TAOK3: variants seen among roughly 807,000 people sequenced by gnomAD.
TAOK3 encodes TAO kinase 3, also known as serine/threonine-protein kinase TAO3.
In TAOK3, 40 loss-of-function variants were observed where a neutral mutation model predicts 120.4. That is an observed-to-expected ratio of 0.33 (90% CI 0.26 to 0.43). The LOEUF is 0.43. Among genes scored for constraint, TAOK3 ranks in the 20% least tolerant of loss-of-function variants. The probability of loss-of-function intolerance (pLI) is 1.00; values close to 1 mark genes in which losing one functional copy is unlikely to be tolerated. For synonymous variants in TAOK3, 355 were observed against 387.5 expected, an observed-to-expected ratio of 0.92 and a Z score of 0.99; for missense variants, 821 against 1,112.1, an observed-to-expected ratio of 0.74 and a Z score of 3.72.
intron 1 of TAOK3, among the ~76,000 whole-genome samples, chr12:118,305,398 G>T (rs1487293792): frequency 6.6e-6 from 1 of 152,040 alleles, no homozygotes; most frequent in Admixed American, 6.5e-5. Context: ...CCTTTAACCT[G>T]GGAGGCGGAG....
At chr12:118,284,931 G>A (rs777539643) in intron 1 of TAOK3, among the ~76,000 whole-genome samples, 10 of 151,618 alleles carry the variant, frequency 6.6e-5, no homozygotes, top group Middle Eastern at 6.8e-3. Context: ...ATTGAGATGA[G>A]TAGTCAAAAG....
intron 13 of TAOK3, among the ~76,000 whole-genome samples, chr12:118,197,900 G>T (rs2037813701): frequency 6.6e-6 from 1 of 151,924 alleles, no homozygotes; most frequent in African/African-American, 2.4e-5. Context: ...TGTTAGCCGG[G>T]ATGGTCTCGA....
intron 1 of TAOK3, among the ~76,000 whole-genome samples, chr12:118,270,325 T>C (rs1403853005): frequency 6.6e-6 from 1 of 152,222 alleles, no homozygotes; most frequent in Non-Finnish European, 1.5e-5. Context: ...GCCTCTATCT[T>C]TTCTGGAATT....
At chr12:118,216,318 T>G (rs2038899228) in intron 9 of TAOK3, among the ~76,000 whole-genome samples, 1 of 152,108 alleles carries the variant, frequency 6.6e-6, no homozygotes, top group African/African-American at 2.4e-5. Flanking sequence ...GAGGATTTAC[T>G]CCTCCCCAGC....
At position 118,334,286 on chromosome 12, in the gene TAOK3, T is replaced by C. The variant is rs2044273258; in HGVS notation, c.-194+38362A>G. On this transcript the variant is annotated intron_variant, in intron 1 of 20. Coordinates refer to ENST00000392533, the MANE Select transcript of TAOK3 (RefSeq NM_016281.4). ...TATATATGTAGTATACAATGAAATA[T>C]TATCCAACTTTAAAAAAGGAAATCT... 2.6e-5 allele frequency among the ~76,000 whole-genome samples: 4 copies of C among 152,292 alleles called. No individual in the cohort carries two copies. The South Asian group carries it at 8.3e-4, about 32-fold the overall frequency.
At chr12:118,162,310 G>A (rs1278063705) in intron 17 of TAOK3, among the ~76,000 whole-genome samples, 1 of 152,174 alleles carries the variant, frequency 6.6e-6, no homozygotes, top group African/African-American at 2.4e-5. Context: ...TTACCTCACA[G>A]AGCTGCTGTG....
At chr12:118,312,027 T>C (rs892757808) in intron 1 of TAOK3, among the ~76,000 whole-genome samples, 3 of 152,132 alleles carry the variant, frequency 2.0e-5, no homozygotes, top group East Asian at 1.9e-4. Context: ...TTGAGGAAAG[T>C]AGCAAAACAA....
At chr12:118,363,036 A>AG (rs2045647189) in intron 1 of TAOK3, among the ~76,000 whole-genome samples, 1 of 150,588 alleles carries the variant, frequency 6.6e-6, no homozygotes, top group Non-Finnish European at 1.5e-5. Context: ...AAAAAAAAAA[A>AG]AAAAAAAAGA....
intron 1 of TAOK3, among the ~76,000 whole-genome samples, chr12:118,362,726 G>C (rs1272788508): frequency 6.6e-6 from 1 of 152,078 alleles, no homozygotes. Flanking sequence ...GCTAGAGAAA[G>C]GAAAACAGGC....
chr12:118,201,122 T>G, intron 12 of TAOK3, 174 bp downstream of exon 12: 1 of 575,316 alleles, frequency 1.7e-6, no homozygotes, highest in Non-Finnish European at 2.9e-6. Context: ...ACTTTTCATA[T>G]TTTGCCTTAT....
chr12:118,298,629 T>C (rs1227933374), intron 1 of TAOK3, among the ~76,000 whole-genome samples: 4 of 152,088 alleles, frequency 2.6e-5, no homozygotes, highest in African/African-American at 9.7e-5. Context: ...TGATATGTTA[T>C]GGGGGAAAAA....
chr12:118,325,039 C>T (rs960236819), intron 1 of TAOK3, among the ~76,000 whole-genome samples: 23 of 152,252 alleles, frequency 1.5e-4, no homozygotes, highest in African/African-American at 1.4e-4. Flanking sequence ...AGCCACCGCG[C>T]CCGGCCCTAG....
chr12:118,367,758 C>T (rs908934166), intron 1 of TAOK3, among the ~76,000 whole-genome samples: 1 of 151,614 alleles, frequency 6.6e-6, no homozygotes, highest in Admixed American at 6.6e-5. Flanking sequence ...CTCCCTCCCT[C>T]TCTCCCTTCT....
chr12:118,282,946 G>A (rs532478869), intron 1 of TAOK3, among the ~76,000 whole-genome samples: 5 of 152,284 alleles, frequency 3.3e-5, no homozygotes, highest in South Asian at 2.1e-4. Flanking sequence ...TAGTGTTCAA[G>A]CAATAGGCAA....
intron 11 of TAOK3, among the ~76,000 whole-genome samples, chr12:118,206,654 T>C (rs766052282): frequency 6.6e-6 from 1 of 152,062 alleles, no homozygotes; most frequent in Non-Finnish European, 1.5e-5. Flanking sequence ...TGGAGTGCAG[T>C]GGCGCCATCT....
intron 9 of TAOK3, among the ~76,000 whole-genome samples, chr12:118,220,987 G>T (rs1185686815): frequency 6.6e-6 from 1 of 152,198 alleles, no homozygotes; most frequent in African/African-American, 2.4e-5. Flanking sequence ...CAGAGCAAGG[G>T]CTGGCAAACT....
At chr12:118,286,130 T>C (rs1192477413) in intron 1 of TAOK3, among the ~76,000 whole-genome samples, 3 of 152,192 alleles carry the variant, frequency 2.0e-5, no homozygotes, top group African/African-American at 7.2e-5. Flanking sequence ...GCTTAGTGAT[T>C]TGGGGGCTCC....
intron 1 of TAOK3, among the ~76,000 whole-genome samples, chr12:118,284,037 G>A (rs766937169): frequency 6.6e-5 from 10 of 151,794 alleles, no homozygotes; most frequent in African/African-American, 2.2e-4. Context: ...CATACAGGCC[G>A]GACAAAGAAT....
At chr12:118,268,494 A>G (rs1419902931) in intron 1 of TAOK3, among the ~76,000 whole-genome samples, 1 of 152,100 alleles carries the variant, frequency 6.6e-6, no homozygotes, top group Non-Finnish European at 1.5e-5. Context: ...CGTTTTCATT[A>G]TTTCTGTTAC....
Sources: allele counts gnomAD v4.1 joint callset (sites outside exome capture counted in the v4.1 genomes callset), GRCh38; gene constraint gnomAD v4.1.1; transcripts MANE v1.5; gene names NCBI Gene and HGNC (gene_info 2026-07-23, HGNC 2026-07-21).